The following STAM2 variants were observed in gnomAD, a reference collection of about 807,000 sequenced individuals.
The protein encoded by STAM2 is signal transducing adapter molecule 2.
A neutral mutation model predicts 65.6 loss-of-function variants in STAM2; 51 were observed. That is an observed-to-expected ratio of 0.78 (90% CI 0.62 to 0.98). STAM2 has a LOEUF of 0.98. Among genes scored for constraint, STAM2 ranks in the 50% least tolerant of loss-of-function variants. STAM2 has a pLI of 0.00. For synonymous variants in STAM2, 198 were observed against 208.4 expected (o/e 0.95, Z 0.43); for missense variants, 584 against 617.8 (o/e 0.95, Z 0.58).
intron 1 of STAM2, among the ~76,000 whole-genome samples, chr2:152,161,273 C>T (rs1689670319): frequency 6.6e-6 from 1 of 150,884 alleles, no homozygotes; most frequent in African/African-American, 2.4e-5. Flanking sequence ...GCAAGATGTG[C>T]TTTGTTAAAC....
At chr2:152,138,776 T>G (rs1328837695) in intron 7 of STAM2, among the ~76,000 whole-genome samples, 1 of 152,198 alleles carries the variant, frequency 6.6e-6, no homozygotes, top group Non-Finnish European at 1.5e-5. Context: ...TAGGAAAAAT[T>G]TTCTTTCTCT....
chr2:152,141,343 C>G (rs1334953791), intron 7 of STAM2, among the ~76,000 whole-genome samples: 2 of 151,766 alleles, frequency 1.3e-5, no homozygotes, highest in Non-Finnish European at 2.9e-5. Flanking sequence ...TGAGATCAGC[C>G]TGGCCAACAT....
At chr2:152,130,229 G>C (rs1406060786) in intron 11 of STAM2, among the ~76,000 whole-genome samples, 1 of 152,040 alleles carries the variant, frequency 6.6e-6, no homozygotes, top group Non-Finnish European at 1.5e-5. Context: ...ACCCCCTTCA[G>C]TGTTGCTCCT....
chr2:152,141,513 G>A (rs933875786), intron 7 of STAM2, among the ~76,000 whole-genome samples: 5 of 151,910 alleles, frequency 3.3e-5, no homozygotes, highest in East Asian at 3.9e-4. Context: ...CAGCCTGGGC[G>A]ATAAAGCAAG....
chr2:152,158,251 T>C (rs1689589364), intron 1 of STAM2, among the ~76,000 whole-genome samples: 1 of 151,426 alleles, frequency 6.6e-6, no homozygotes, highest in African/African-American at 2.4e-5. Flanking sequence ...CCAAGGGGGG[T>C]GGATCACGAG....
At chr2:152,158,660 A>G (rs1689597831) in intron 1 of STAM2, among the ~76,000 whole-genome samples, 1 of 152,160 alleles carries the variant, frequency 6.6e-6, no homozygotes, top group Admixed American at 6.6e-5. Flanking sequence ...TTACACTGCT[A>G]TTGAACAGAA....
At position 152,148,126 on chromosome 2, in the gene STAM2, T is replaced by C. The variant is rs1292468565; in HGVS notation, c.202-4A>G. 4 of 1,599,670 alleles carry C rather than the reference T, an allele frequency of 2.5e-6. No homozygotes were observed. Among genetic ancestry groups the C allele is most frequent in the East Asian group, 4.5e-5 (2 of 44,644 alleles). ...TTGCCACACAAGCCCCAAGAAGCTA[T>C]TAATTGAAATAAAAATATATGAATA... On this transcript the variant is annotated splice_region_variant and splice_polypyrimidine_tract_variant and intron_variant, in intron 3 of 13. Transcript: ENST00000263904.
At chr2:152,151,048 G>A (rs151245759) in intron 1 of STAM2, among the ~76,000 whole-genome samples, 130 of 151,834 alleles carry the variant, frequency 8.6e-4, no homozygotes, top group East Asian at 7.0e-3. Flanking sequence ...TTCATACAAC[G>A]AAATATGAAA....
chr2:152,135,183 T>C (rs1013830305), intron 8 of STAM2, among the ~76,000 whole-genome samples: 34 of 152,214 alleles, frequency 2.2e-4, no homozygotes, highest in African/African-American at 7.5e-4. Context: ...AAACACTCTT[T>C]GTACAGAATA....
At chr2:152,167,957 C>CA in intron 1 of STAM2, among the ~76,000 whole-genome samples, 2 of 150,324 alleles carry the variant, frequency 1.3e-5, no homozygotes, top group South Asian at 4.2e-4. Flanking sequence ...TAACTTAAGA[C>CA]AAAATGAAAA....
At chr2:152,172,764 G>C (rs1046926510) in intron 1 of STAM2, among the ~76,000 whole-genome samples, 5 of 151,796 alleles carry the variant, frequency 3.3e-5, no homozygotes, top group South Asian at 2.1e-4. Flanking sequence ...CTAGCTACTC[G>C]GGAGGCTGAG....
In STAM2 at chr2:152,150,154, G is replaced by GTAC. The variant is rs545712401; in HGVS notation, c.113_115dup (p.Ser38dup). Reference sequence around the variant, plus strand: ...TGACTGGACATCTTACCCATTAGGAGTACTTCCAACTTTGTCACATATGTC... The same window carrying GTAC: ...TGACTGGACATCTTACCCATTAGGAGTACTACTTCCAACTTTGTCACATATGTC... On this transcript the variant is annotated inframe_insertion, in exon 2 of 14. Transcript: ENST00000263904. 357 of 1,609,348 alleles carry GTAC rather than the reference G, an allele frequency of 2.2e-4. 1 individual carries two copies. In the African/African-American group the frequency reaches 4.5e-3, roughly 20 times the overall value.
At chr2:152,141,972 C>T (rs534412852) in intron 7 of STAM2, among the ~76,000 whole-genome samples, 2 of 152,248 alleles carry the variant, frequency 1.3e-5, no homozygotes, top group African/African-American at 4.8e-5. Context: ...AAATTTTATG[C>T]TTCAAATTCC....
At chr2:152,135,701 C>A in intron 7 of STAM2, 98 bp from the exon 8 acceptor site, 1 of 760,532 alleles carries the variant, frequency 1.3e-6, no homozygotes, top group Non-Finnish European at 2.2e-6. Flanking sequence ...TTGAATATAT[C>A]CGTTTACAAG....
Position 152,120,171 on chromosome 2 carries a change from TATAA to T in STAM2, c.*399_*402del. The T allele has an allele frequency of 6.3e-6, 1 of 158,876 alleles. No homozygotes were observed. Among genetic ancestry groups the T allele is most frequent in the Admixed American group, 6.1e-5 (1 of 16,350 alleles). The allele number at this position is 158,876 out of a possible 1,614,324, so 9.8% of individuals were successfully genotyped here. On this transcript the variant is annotated 3_prime_UTR_variant, in exon 14 of 14. Coordinates refer to ENST00000263904, the MANE Select transcript of STAM2 (RefSeq NM_005843.6). ...TTTAATCCTCCTATCTCATACTGTT[TATAA>T]GTATGAGATACTTTTGACAAACTCA...
chr2:152,162,286 T>C (rs1689694514), intron 1 of STAM2, among the ~76,000 whole-genome samples: 1 of 150,972 alleles, frequency 6.6e-6, no homozygotes, highest in Non-Finnish European at 1.5e-5. Flanking sequence ...TCCCCATAAG[T>C]GGGGACTGGG....
intron 1 of STAM2, among the ~76,000 whole-genome samples, chr2:152,153,080 A>T (rs1689477276): frequency 6.6e-6 from 1 of 152,226 alleles, no homozygotes; most frequent in Admixed American, 6.5e-5. Flanking sequence ...AAACTGTTAA[A>T]AAGCATGATC....
At chr2:152,165,036 G>A (rs1233063466) in intron 1 of STAM2, among the ~76,000 whole-genome samples, 1 of 152,074 alleles carries the variant, frequency 6.6e-6, no homozygotes, top group African/African-American at 2.4e-5. Flanking sequence ...CCCTTACTCA[G>A]GAGACAGGGC....
intron 11 of STAM2, among the ~76,000 whole-genome samples, chr2:152,130,959 G>A (rs1689049702): frequency 1.4e-5 from 2 of 143,222 alleles, no homozygotes; most frequent in Admixed American, 1.4e-4. Context: ...TCGCACCACT[G>A]CACTCCAGCC....
Sources: allele counts gnomAD v4.1 joint callset (sites outside exome capture counted in the v4.1 genomes callset), GRCh38; gene constraint gnomAD v4.1.1; transcripts MANE v1.5; gene names NCBI Gene and HGNC (gene_info 2026-07-23, HGNC 2026-07-21).